RBAK: variants seen among roughly 807,000 people sequenced by gnomAD.
The protein encoded by RBAK is RB associated KRAB zinc finger, also known as RB-associated KRAB zinc finger protein.
A neutral mutation model predicts 65.8 loss-of-function variants in RBAK; 39 were observed. The observed-to-expected ratio is 0.59, with a 90% confidence interval of 0.46 to 0.77. The LOEUF is 0.77. RBAK is among the 30% of genes least tolerant of loss of function. The pLI is 0.00. For synonymous variants in RBAK, 343 were observed against 289.7 expected, an observed-to-expected ratio of 1.18 and a Z score of -1.87; for missense variants, 884 against 855.1, an observed-to-expected ratio of 1.03 and a Z score of -0.42.
Position 5,065,478 on chromosome 7 carries a change from A to G in RBAK, c.2022A>G (p.Ser674=), listed in dbSNP as rs1300326900. 6.2e-7 allele frequency: 1 copy of G among 1,607,742 alleles called. No individual in the cohort carries two copies. The highest frequency in any genetic ancestry group is 8.5e-7 in the Non-Finnish European group (1 of 1,174,860). The part of the protein sequence containing the change: ...SYLTVHYRTH[S]GEKPYECNEC... ...TCACTGTACACTATAGAACTCATTCAGGAGAGAAACCCTATGAATGTAACG... is the reference window on the plus strand; with the variant it reads ...TCACTGTACACTATAGAACTCATTCGGGAGAGAAACCCTATGAATGTAACG... Residue 674 remains serine, a synonymous_variant, in exon 5 of 5, where the codon TCA becomes TCG. Transcript: ENST00000396912. The surrounding 1 kb of genome is among the most constrained non-coding windows in gnomAD (Gnocchi z 5.3).
In RBAK at chr7:5,064,604, C is replaced by T; in HGVS notation, c.1148C>T (p.Ser383Phe). The T allele has an allele frequency of 2.2e-5, 35 of 1,613,992 alleles. No homozygotes were observed. The highest frequency in any genetic ancestry group is 1.6e-4 in the Middle Eastern group (1 of 6,062). The change falls in exon 5 of 5, where the codon TCC (serine) becomes TTC (phenylalanine). Residue 383 changes from serine to phenylalanine, a missense_variant. By Grantham distance (155) the Ser-to-Phe change is radical. Coordinates refer to ENST00000396912, the MANE Select transcript of RBAK (RefSeq NM_021163.4). This position sits in a 1 kb window ranked among gnomAD's most constrained non-coding sequence, Gnocchi z 6.3. The stretch of plus-strand genomic sequence containing the variant: ...TGTAACGAATGTGGGAAATCCTTCT[C>T]CCGCAAGTCTGCTCTCAGTGACCAT... Reference protein sequence around the residue: ...YPCNECGKSFSRKSALSDHQR... With the variant: ...YPCNECGKSFFRKSALSDHQR...
chr7:5,059,744 C>T (rs1409883957), intron 4 of RBAK, among the ~76,000 whole-genome samples: 2 of 152,184 alleles, frequency 1.3e-5, no homozygotes, highest in Non-Finnish European at 1.5e-5. Context: ...TATGATTTTA[C>T]AGTCCGATAG....
intron 2 of RBAK, among the ~76,000 whole-genome samples, chr7:5,051,292 C>T (rs1331817617): frequency 6.6e-6 from 1 of 152,138 alleles, no homozygotes; most frequent in Non-Finnish European, 1.5e-5. Context: ...TCATTCTTAA[C>T]ATTTTCCCAC....
intron 4 of RBAK, among the ~76,000 whole-genome samples, chr7:5,061,492 T>C (rs1779070812): frequency 6.7e-6 from 1 of 150,188 alleles, no homozygotes; most frequent in Non-Finnish European, 1.5e-5. Context: ...GGGTTTTGCA[T>C]GTTGCCCAGG....
intron 2 of RBAK, among the ~76,000 whole-genome samples, chr7:5,055,247 TGTG>T (rs1048290711): frequency 2.5e-4 from 7 of 28,062 alleles, no homozygotes; most frequent in East Asian, 1.2e-3. Flanking sequence ...GAGGCATAAA[TGTG>T]TGTGTGTGTG....
At position 5,065,757 on chromosome 7, in the gene RBAK, C is replaced by T; in HGVS notation, c.*156C>T. Reference sequence around the variant, plus strand: ...AATCCAAATTTTCACAGAGAAGAATCCCGAAGAATGTAACAAGAAGCAAAG... The same window carrying T: ...AATCCAAATTTTCACAGAGAAGAATTCCGAAGAATGTAACAAGAAGCAAAG... On this transcript the variant is annotated 3_prime_UTR_variant, in exon 5 of 5. Transcript: ENST00000396912. The surrounding 1 kb of genome is among the most constrained non-coding windows in gnomAD (Gnocchi z 5.3). The T allele has an allele frequency of 8.1e-6, 4 of 494,846 alleles. No individual in the cohort carries two copies. Among genetic ancestry groups the T allele is most frequent in the Non-Finnish European group, 1.3e-5 (4 of 299,012 alleles). 30.7% of individuals were successfully genotyped at this position (494,846 alleles called of 1,614,324 possible).
rs751201147 is a variant in RBAK, at chr7:5,065,120, C to G, written c.1664C>G (p.Thr555Ser). ...GKLFNELSYY[T>S]EHYRSHSEEK... ...TTATTCAATGAGTTGTCATACTATA[C>G]TGAACATTATAGAAGTCATTCAGAA... is the stretch of plus-strand genomic sequence containing the variant. Residue 555 changes from threonine to serine, a missense_variant, in exon 5 of 5, where the codon ACT becomes AGT. Coordinates refer to ENST00000396912, the MANE Select transcript of RBAK (RefSeq NM_021163.4). The surrounding 1 kb of genome is among the most constrained non-coding windows in gnomAD (Gnocchi z 5.3). 1 of 1,613,962 alleles carries G rather than the reference C, an allele frequency of 6.2e-7. No individual in the cohort carries two copies.
At position 5,064,815 on chromosome 7, in the gene RBAK, A is replaced by G. The variant is rs1196903436; in HGVS notation, c.1359A>G (p.Glu453=). 6.8e-6 allele frequency: 11 copies of G among 1,614,146 alleles called. No homozygotes were observed. Among genetic ancestry groups the G allele is most frequent in the Non-Finnish European group, 9.3e-6 (11 of 1,179,976 alleles). ...YLTIHYRSHL[E]EKPYECNECG... is the part of the protein sequence containing the mutation. ...CTATACATTATAGAAGTCATTTAGA[A>G]GAGAAACCCTATGAATGTAATGAAT... The change falls in exon 5 of 5, where the codon GAA becomes GAG. Residue 453 remains glutamate, a synonymous_variant. Coordinates refer to ENST00000396912, the MANE Select transcript of RBAK (RefSeq NM_021163.4). This position sits in a 1 kb window ranked among gnomAD's most constrained non-coding sequence, Gnocchi z 6.3.
In RBAK at chr7:5,068,328, C is replaced by A. The variant is rs747377204; in HGVS notation, c.*2727C>A. On this transcript the variant is annotated 3_prime_UTR_variant, in exon 5 of 5. Transcript: ENST00000396912. ...CAGGTGGCAGTCTGGATTTGGTCTG[C>A]ACTCATAGTTTTCTGGTCCCTGATC... 1.3e-5 allele frequency: 2 copies of A among 152,076 alleles called. No homozygotes were observed. Among genetic ancestry groups the A allele is most frequent in the Non-Finnish European group, 2.9e-5 (2 of 68,040 alleles). The allele number at this position is 152,076 out of a possible 1,614,324, so 9.4% of individuals were successfully genotyped here.
In RBAK at chr7:5,046,627, G is replaced by A. The variant is rs561445014; in HGVS notation, c.-45+231G>A. The stretch of plus-strand genomic sequence containing the variant: ...GTCACCAGCCTCAGCTGCGGACGTC[G>A]TCTCCACTCCCCGCTAACCCCTAAC... On this transcript the variant is annotated intron_variant, in intron 1 of 4. Coordinates refer to ENST00000396912, the MANE Select transcript of RBAK (RefSeq NM_021163.4). Among the ~76,000 whole-genome samples the A allele has an allele frequency of 2.4e-3, 372 of 152,264 alleles. 8 individuals are homozygous for A. Among genetic ancestry groups the A allele is most frequent in the Middle Eastern group, 0.017 (5 of 294 alleles).
intron 4 of RBAK, 70 bp from the exon 5 acceptor site, chr7:5,063,625 G>C: frequency 7.8e-7 from 1 of 1,276,606 alleles, no homozygotes; most frequent in Non-Finnish European, 1.1e-6. Context: ...GGGGGCTCTT[G>C]AATACCAGTA....
chr7:5,046,634 C>T (rs956434692), intron 1 of RBAK, among the ~76,000 whole-genome samples: 4 of 152,216 alleles, frequency 2.6e-5, no homozygotes, highest in Non-Finnish European at 4.4e-5. Flanking sequence ...GTCGTCTCCA[C>T]TCCCCGCTAA....
Position 5,064,651 on chromosome 7 carries a change from A to C in RBAK, c.1195A>C (p.Lys399Gln). Residue 399 changes from lysine to glutamine, a missense_variant, in exon 5 of 5, where the codon AAG becomes CAG. Transcript: ENST00000396912. The surrounding 1 kb of genome is among the most constrained non-coding windows in gnomAD (Gnocchi z 6.3). ...SDHQRTHTGE[K>Q]LYKCNECGKS... is the part of the protein sequence containing the mutation. ...CCATCAGAGAACTCACACGGGAGAG[A>C]AGCTTTATAAATGTAATGAATGTGG... 6.2e-7 allele frequency: 1 copy of C among 1,611,998 alleles called. No individual in the cohort carries two copies. The highest frequency in any genetic ancestry group is 8.5e-7 in the Non-Finnish European group (1 of 1,178,386).
In RBAK at chr7:5,063,913, A is replaced by G; in HGVS notation, c.457A>G (p.Ser153Gly). 1 of 1,613,974 alleles carries G rather than the reference A, an allele frequency of 6.2e-7. No individual in the cohort carries two copies. The highest frequency in any genetic ancestry group is 8.5e-7 in the Non-Finnish European group (1 of 1,179,880). Reference sequence around the variant, plus strand: ...AGAATCTATTTCGCAATTAATTAGTAGTGATGGAAGCTATGCTAGGACAAA... The same window carrying G: ...AGAATCTATTTCGCAATTAATTAGTGGTGATGGAAGCTATGCTAGGACAAA... ...NLESISQLIS[S>G]DGSYARTKPD... The change falls in exon 5 of 5, where the codon AGT (serine) becomes GGT (glycine). Residue 153 changes from serine to glycine, a missense_variant. By Grantham distance (56) the Ser-to-Gly change is moderately conservative. Coordinates refer to ENST00000396912, the MANE Select transcript of RBAK (RefSeq NM_021163.4).
chr7:5,052,921 G>A (rs552699522), intron 2 of RBAK, among the ~76,000 whole-genome samples: 9 of 151,872 alleles, frequency 5.9e-5, no homozygotes, highest in Non-Finnish European at 1.0e-4. Context: ...CACCACACCC[G>A]GCTAATTTTG....
At chr7:5,059,315 C>T (rs533417281) in intron 4 of RBAK, among the ~76,000 whole-genome samples, 4 of 151,878 alleles carry the variant, frequency 2.6e-5, no homozygotes, top group African/African-American at 9.7e-5. Context: ...TCTCTCCCTT[C>T]CTTCATTCCT....
intron 4 of RBAK, among the ~76,000 whole-genome samples, chr7:5,058,548 A>G (rs1327674283): frequency 6.6e-6 from 1 of 152,166 alleles, no homozygotes; most frequent in South Asian, 2.1e-4. Flanking sequence ...CCAAAACCTC[A>G]TCCTCCACCT....
intron 2 of RBAK, among the ~76,000 whole-genome samples, chr7:5,052,292 G>C (rs1016028766): frequency 6.6e-5 from 10 of 152,158 alleles, no homozygotes; most frequent in African/African-American, 2.4e-4. Flanking sequence ...GATCTTGCTT[G>C]TTTTCATCAG....
At chr7:5,054,515 G>T (rs982771222) in intron 2 of RBAK, among the ~76,000 whole-genome samples, 10 of 151,992 alleles carry the variant, frequency 6.6e-5, no homozygotes, top group African/African-American at 2.4e-4. Context: ...TTTCAGGTTG[G>T]AGGGTATATC....
Sources: allele counts gnomAD v4.1 joint callset (sites outside exome capture counted in the v4.1 genomes callset), GRCh38; gene constraint gnomAD v4.1.1; non-coding constraint Gnocchi (gnomAD v3.1); transcripts MANE v1.5; gene names NCBI Gene and HGNC (gene_info 2026-07-23, HGNC 2026-07-21).